IFT140: variants seen among roughly 807,000 people sequenced by gnomAD.
The protein encoded by IFT140 is intraflagellar transport 140.
IFT140 carries 133 observed loss-of-function variants against 164.6 expected under a neutral mutation model. The observed-to-expected ratio is 0.81, with a 90% CI of 0.70 to 0.93. The LOEUF (loss-of-function observed/expected upper bound fraction) is 0.93, where lower values mean the gene tolerates loss of function less well. IFT140 is among the 40% of genes least tolerant of loss of function. IFT140 has a pLI of 0.00. For synonymous variants in IFT140, 860 were observed against 817.3 expected (o/e 1.05, Z -0.89); for missense variants, 2,045 against 1,972.3 (o/e 1.04, Z -0.70).
In IFT140 at chr16:1,571,334, A is replaced by G. The variant is rs2034000954; in HGVS notation, c.1652+73T>C. 7 of 1,455,672 alleles carry G rather than the reference A, an allele frequency of 4.8e-6. No homozygotes were observed. The South Asian group carries it at 7.5e-5, about 16-fold the overall frequency. 90.2% of individuals were successfully genotyped at this position (1,455,672 alleles called of 1,614,324 possible). ...TAAGGAGTCTTCTGGCTTCTAACTC[A>G]CTTTCTACCCATCACACTGTCTCCT... On this transcript the variant is annotated intron_variant, in intron 14 of 30. Transcript: ENST00000426508.
chr16:1,556,207 C>T (rs931621513), intron 19 of IFT140, among the ~76,000 whole-genome samples: 7 of 152,248 alleles, frequency 4.6e-5, no homozygotes, highest in Admixed American at 4.6e-4. Context: ...CAAACAACCC[C>T]GTGTCCTAAA....
At chr16:1,606,581 C>G (rs555916320) in intron 3 of IFT140, among the ~76,000 whole-genome samples, 2 of 152,344 alleles carry the variant, frequency 1.3e-5, no homozygotes, top group East Asian at 3.9e-4. Context: ...CTGCCTCAGC[C>G]TCCCGAGTAG....
chr16:1,541,103 C>A (rs1259930934), intron 19 of IFT140: 1 of 985,326 alleles, frequency 1.0e-6, no homozygotes, highest in Non-Finnish European at 1.2e-6. Flanking sequence ...TCACAGAAGG[C>A]TCCATCTGCC....
intron 13 of IFT140, among the ~76,000 whole-genome samples, chr16:1,579,675 G>A (rs1429120798): frequency 6.6e-6 from 1 of 152,120 alleles, no homozygotes; most frequent in East Asian, 1.9e-4. Context: ...TACTCAGAAG[G>A]GAACCTCCTG....
At chr16:1,580,466 C>T (rs780563800) in intron 13 of IFT140, 5 of 283,522 alleles carry the variant, frequency 1.8e-5, no homozygotes, top group Non-Finnish European at 3.4e-5. Context: ...CCTCCCGCTT[C>T]GCTCTCTCTT....
chr16:1,571,097 C>G (rs766642965), intron 14 of IFT140, among the ~76,000 whole-genome samples: 2 of 152,196 alleles, frequency 1.3e-5, no homozygotes. Flanking sequence ...AAGGTTCACA[C>G]TTTGCACCAT....
At chr16:1,602,310 C>T in intron 4 of IFT140, 60 bp downstream of exon 4, 1 of 1,444,566 alleles carries the variant, frequency 6.9e-7, no homozygotes, top group Non-Finnish European at 9.7e-7. Flanking sequence ...CTTTCATACT[C>T]TCGAGCATGG....
intron 4 of IFT140, among the ~76,000 whole-genome samples, chr16:1,594,485 T>A (rs2035350840): frequency 6.6e-6 from 1 of 152,168 alleles, no homozygotes. Context: ...CCTTCCAAAG[T>A]GCTAGGATTA....
intron 13 of IFT140, among the ~76,000 whole-genome samples, chr16:1,575,389 A>C (rs2034223912): frequency 6.8e-6 from 1 of 147,092 alleles, no homozygotes; most frequent in Non-Finnish European, 1.5e-5. Context: ...AAAATAAATA[A>C]AAATGAAAAT....
chr16:1,555,076 C>T (rs1341593624), intron 19 of IFT140: 1 of 1,561,198 alleles, frequency 6.4e-7, no homozygotes, highest in Non-Finnish European at 8.6e-7. Context: ...CGTGGAACAG[C>T]CTAGAAACCA....
chr16:1,516,412 C>A (rs1279562696), intron 30 of IFT140, among the ~76,000 whole-genome samples: 2 of 151,922 alleles, frequency 1.3e-5, no homozygotes, highest in African/African-American at 2.4e-5. Context: ...AGGGCAAACA[C>A]TAGAAATACA....
intron 19 of IFT140, chr16:1,534,223 C>A: frequency 1.9e-6 from 3 of 1,595,796 alleles, no homozygotes; most frequent in Non-Finnish European, 2.5e-6. Flanking sequence ...GGACGTGCGG[C>A]CGCGGACTGG....
At chr16:1,588,527 A>AATAATAATAATAATAATAATAAT (rs2035012762) in intron 7 of IFT140, among the ~76,000 whole-genome samples, 2 of 145,432 alleles carry the variant, frequency 1.4e-5, no homozygotes, top group African/African-American at 5.2e-5. Flanking sequence ...TCCGTCTCAA[A>AATAATAATAATAATAATAATAAT]AATAATAATA....
chr16:1,519,734 G>A, intron 29 of IFT140, 147 bp downstream of exon 29: 1 of 680,564 alleles, frequency 1.5e-6, no homozygotes. Context: ...CCCAGGAGGA[G>A]GTGGGGTGTG....
intron 30 of IFT140, among the ~76,000 whole-genome samples, chr16:1,512,010 G>A (rs573873427): frequency 2.0e-5 from 3 of 151,512 alleles, no homozygotes; most frequent in African/African-American, 7.3e-5. Context: ...GCGTCCTGAT[G>A]CAACCAGGGC....
rs2030450648 is a variant in IFT140 at position 1,531,192 on chromosome 16, C to T, written c.2400-4396G>A. ...CCAAGAAGTAAACACCCTCTTAGTT[C>T]CCATCCAAGTCTTGAGAATTTCCTG... is the stretch of plus-strand genomic sequence containing the variant. On this transcript the variant is annotated intron_variant, in intron 19 of 30. Transcript: ENST00000426508. This position sits in a 1 kb window ranked among gnomAD's most constrained non-coding sequence, Gnocchi z 4.7. 6.6e-6 allele frequency: 1 copy of T among 152,228 alleles called. No individual in the cohort carries two copies. Among genetic ancestry groups the T allele is most frequent in the African/African-American group, 2.4e-5 (1 of 41,462 alleles). The allele number at this position is 152,228 out of a possible 1,614,324, so 9.4% of individuals were successfully genotyped here.
At chr16:1,538,405 C>T (rs1438313294) in intron 19 of IFT140, among the ~76,000 whole-genome samples, 1 of 152,230 alleles carries the variant, frequency 6.6e-6, no homozygotes, top group African/African-American at 2.4e-5. Context: ...ACCTTGGTCA[C>T]TCACCCTCAC....
chr16:1,556,920 C>A (rs1002459619), intron 19 of IFT140, among the ~76,000 whole-genome samples: 20 of 152,144 alleles, frequency 1.3e-4, no homozygotes, highest in African/African-American at 4.1e-4. Context: ...AGCAATTCTC[C>A]CACCTCAGCC....
In IFT140 at chr16:1,602,572, G is replaced by A. The variant is rs761259465; in HGVS notation, c.167C>T (p.Thr56Ile). The stretch of plus-strand genomic sequence containing the variant: ...AACCCGGAACGGCCTCTCGACGTGT[G>A]TATCTGGCACGCACTCCCCCTGCAT... ...YLEQGECVPD[T>I]HVERPFRVAS... The change falls in exon 4 of 31, where the codon ACA becomes ATA. Residue 56 changes from threonine (T) to isoleucine (I), a missense_variant. By Grantham distance (89) the Thr-to-Ile change is moderately conservative (BLOSUM62 -1). Coordinates refer to ENST00000426508, the MANE Select transcript of IFT140 (RefSeq NM_014714.4). The A allele has an allele frequency of 3.7e-6, 6 of 1,612,694 alleles. No homozygotes were observed. The highest frequency in any genetic ancestry group is 5.1e-6 in the Non-Finnish European group (6 of 1,180,016).
Sources: allele counts gnomAD v4.1 joint callset (sites outside exome capture counted in the v4.1 genomes callset), GRCh38; gene constraint gnomAD v4.1.1; non-coding constraint Gnocchi (gnomAD v3.1); transcripts MANE v1.5; gene names NCBI Gene and HGNC (gene_info 2026-07-23, HGNC 2026-07-21).